CSGALNACT1: variants seen among roughly 807,000 people sequenced by gnomAD.
CSGALNACT1 encodes the protein chondroitin sulfate N-acetylgalactosaminyltransferase 1, also known as beta4GalNAcT-1.
In CSGALNACT1, 52 loss-of-function variants were observed where a neutral mutation model predicts 51.0. The observed-to-expected ratio is 1.02, with a 90% confidence interval of 0.82 to 1.29. CSGALNACT1 has a LOEUF of 1.29. Ranked by LOEUF, CSGALNACT1 falls within the 50% of genes most tolerant of loss-of-function variation. The pLI, the probability that CSGALNACT1 is intolerant of heterozygous loss-of-function variation, is 0.00. For synonymous variants in CSGALNACT1, 341 were observed against 254.4 expected (o/e 1.34, Z -3.24); for missense variants, 935 against 679.2 (o/e 1.38, Z -4.19).
rs1038998462 is a variant in CSGALNACT1, at chr8:19,408,545, T to A, written c.1309+68A>T. Reference sequence around the variant, plus strand: ...CAACCAGACTCCTTGGAAACCCTACTTGATTCCTTCAAGGCCTACATGGGC... The same window carrying A: ...CAACCAGACTCCTTGGAAACCCTACATGATTCCTTCAAGGCCTACATGGGC... On this transcript the variant is annotated intron_variant, in intron 9 of 9. Transcript: ENST00000454498. 2.4e-5 allele frequency: 26 copies of A among 1,102,168 alleles called. 1 individual carries two copies. Among genetic ancestry groups the A allele is most frequent in the Non-Finnish European group, 3.3e-5 (25 of 755,284 alleles). 68.3% of individuals were successfully genotyped at this position (1,102,168 alleles called of 1,614,324 possible).
At chr8:19,733,373 T>C (rs1450897369) in intron 1 of CSGALNACT1, among the ~76,000 whole-genome samples, 3 of 152,202 alleles carry the variant, frequency 2.0e-5, no homozygotes, top group African/African-American at 7.2e-5. Flanking sequence ...TGGAATTCTA[T>C]TTAAGCATAA....
intron 4 of CSGALNACT1, among the ~76,000 whole-genome samples, chr8:19,490,529 G>T (rs2074136023): frequency 6.6e-6 from 1 of 152,204 alleles, no homozygotes. Flanking sequence ...CAGAACCTCT[G>T]GTTCCACCAA....
chr8:19,458,307 T>C, intron 5 of CSGALNACT1, 119 bp downstream of exon 4: 8 of 910,058 alleles, frequency 8.8e-6, no homozygotes, highest in Middle Eastern at 3.1e-4. Context: ...AAAACAGAGC[T>C]GAATAAGAGA....
chr8:19,431,601 T>C (rs1215676650), intron 6 of CSGALNACT1, among the ~76,000 whole-genome samples: 2 of 152,076 alleles, frequency 1.3e-5, no homozygotes, highest in African/African-American at 4.8e-5. Context: ...TTTATATTCA[T>C]AGGGATACTG....
At chr8:19,714,409 T>TA (rs2062687123) in intron 1 of CSGALNACT1, among the ~76,000 whole-genome samples, 2 of 152,152 alleles carry the variant, frequency 1.3e-5, no homozygotes, top group Admixed American at 6.5e-5. Context: ...TGTCTGTCAT[T>TA]ACTTTGGGAA....
Position 19,598,353 on chromosome 8 carries a change from C to T in CSGALNACT1, c.-416+3418G>A, listed in dbSNP as rs117487278. Among the ~76,000 whole-genome samples, 145 of 152,272 alleles carry T rather than the reference C, an allele frequency of 9.5e-4. 3 individuals are homozygous for T. In the East Asian group the frequency reaches 0.027, roughly 28 times the overall value. On this transcript the variant is annotated intron_variant, in intron 2 of 9. Transcript: ENST00000454498. ...CCAGGAGTATAAATTAAAATTGAAG[C>T]AGTGAAAGGTGACACTGATTAAAAG... is the stretch of plus-strand genomic sequence containing the variant.
chr8:19,479,407 G>A (rs540179220), intron 4 of CSGALNACT1, among the ~76,000 whole-genome samples: 1 of 152,368 alleles, frequency 6.6e-6, no homozygotes, highest in African/African-American at 2.4e-5. Context: ...TTGGCGGCCA[G>A]TAGTCCAGGC....
At chr8:19,543,674 C>G (rs1363976150) in intron 3 of CSGALNACT1, among the ~76,000 whole-genome samples, 2 of 152,170 alleles carry the variant, frequency 1.3e-5, no homozygotes, top group Non-Finnish European at 2.9e-5. Flanking sequence ...TTTATGTAGC[C>G]TTTCATGTAC....
At chr8:19,461,423 C>A (rs1407894302) in intron 4 of CSGALNACT1, among the ~76,000 whole-genome samples, 1 of 151,904 alleles carries the variant, frequency 6.6e-6, no homozygotes, top group Non-Finnish European at 1.5e-5. Flanking sequence ...GGTGTATCCA[C>A]ACAGCACCCA....
intron 1 of CSGALNACT1, among the ~76,000 whole-genome samples, chr8:19,647,635 A>T (rs925297095): frequency 1.3e-5 from 2 of 152,166 alleles, no homozygotes; most frequent in African/African-American, 4.8e-5. Context: ...GTGTATTAGG[A>T]ACTCTGTAAA....
chr8:19,476,857 T>C (rs1265907891), intron 4 of CSGALNACT1, among the ~76,000 whole-genome samples: 1 of 152,142 alleles, frequency 6.6e-6, no homozygotes, highest in Non-Finnish European at 1.5e-5. Context: ...AGCCTTCAGA[T>C]GATTCTAGAC....
chr8:19,601,788 G>A (rs1306321025), exon 2 of CSGALNACT1: 1 of 453,660 alleles, frequency 2.2e-6, no homozygotes, highest in Non-Finnish European at 4.4e-6. Context: ...TTCAAGAAGG[G>A]AAGGTTAGGA....
At chr8:19,680,309 G>A (rs551009174) in intron 1 of CSGALNACT1, among the ~76,000 whole-genome samples, 16 of 152,168 alleles carry the variant, frequency 1.1e-4, no homozygotes, top group East Asian at 1.9e-4. Flanking sequence ...TAATCCCAGC[G>A]CTTTGGGAGG....
At chr8:19,630,524 G>A (rs967450076) in intron 1 of CSGALNACT1, among the ~76,000 whole-genome samples, 5 of 151,202 alleles carry the variant, frequency 3.3e-5, no homozygotes, top group Non-Finnish European at 4.4e-5. Context: ...CACTCTTTGT[G>A]GTATACAATT....
chr8:19,705,358 T>C (rs563376076), intron 1 of CSGALNACT1, among the ~76,000 whole-genome samples: 5 of 152,236 alleles, frequency 3.3e-5, no homozygotes, highest in Admixed American at 6.5e-5. Context: ...ATAATTATTT[T>C]CTAATGCATT....
intron 1 of CSGALNACT1, among the ~76,000 whole-genome samples, chr8:19,608,126 G>A (rs1564247561): frequency 6.6e-6 from 1 of 152,118 alleles, no homozygotes; most frequent in African/African-American, 2.4e-5. Context: ...CCTTTCCATC[G>A]CATAGCTGGC....
chr8:19,491,131 G>C (rs2074278497), intron 4 of CSGALNACT1, among the ~76,000 whole-genome samples: 1 of 149,440 alleles, frequency 6.7e-6, no homozygotes, highest in Non-Finnish European at 1.5e-5. Flanking sequence ...TCATCCCCTC[G>C]ATCTTTTTTC....
chr8:19,666,140 A>T (rs1482886722), intron 1 of CSGALNACT1, among the ~76,000 whole-genome samples: 4 of 152,196 alleles, frequency 2.6e-5, no homozygotes, highest in Non-Finnish European at 5.9e-5. Flanking sequence ...CACTGGTGAA[A>T]GGAGGGTGCT....
chr8:19,446,121 G>A (rs552498795), intron 5 of CSGALNACT1, among the ~76,000 whole-genome samples: 3 of 152,216 alleles, frequency 2.0e-5, no homozygotes, highest in African/African-American at 4.8e-5. Context: ...GTTACAGTGA[G>A]CTGAGATGGT....
Sources: allele counts gnomAD v4.1 joint callset (sites outside exome capture counted in the v4.1 genomes callset), GRCh38; gene constraint gnomAD v4.1.1; transcripts MANE v1.5; gene names NCBI Gene and HGNC (gene_info 2026-07-23, HGNC 2026-07-21).